HMGCS2: variants seen among roughly 807,000 people sequenced by gnomAD.
HMGCS2 encodes the protein 3-hydroxy-3-methylglutaryl-CoA synthase 2.
A neutral mutation model predicts 57.4 loss-of-function variants in HMGCS2; 50 were observed. That is an observed-to-expected ratio of 0.87 (90% CI 0.69 to 1.10). The LOEUF (loss-of-function observed/expected upper bound fraction) is 1.10. Ranked by LOEUF, HMGCS2 falls within the 50% of genes least tolerant of loss-of-function variation. The pLI, the probability that HMGCS2 is intolerant of heterozygous loss-of-function variation, is 0.00. For synonymous variants in HMGCS2, 254 were observed against 245.1 expected (o/e 1.04, Z -0.34); for missense variants, 627 against 636.5 (o/e 0.99, Z 0.16).
intron 6 of HMGCS2, 63 bp from the exon 7 acceptor site, chr1:119,753,449 A>T: frequency 1.3e-6 from 1 of 759,888 alleles, no homozygotes; most frequent in Non-Finnish European, 2.3e-6. Flanking sequence ...ACACACACAT[A>T]TATGTATATA....
At chr1:119,749,053 C>T (rs587768199) in intron 9 of HMGCS2, among the ~76,000 whole-genome samples, 3 of 152,250 alleles carry the variant, frequency 2.0e-5, no homozygotes, top group South Asian at 4.2e-4. Context: ...GCAGGGTCCC[C>T]GTCGCACATC....
At chr1:119,751,327 G>A (rs1053311610) in intron 8 of HMGCS2, among the ~76,000 whole-genome samples, 18 of 149,774 alleles carry the variant, frequency 1.2e-4, no homozygotes, top group African/African-American at 3.2e-4. Context: ...TGCTTTGTCC[G>A]TTAACGTTTG....
intron 1 of HMGCS2, 38 bp downstream of exon 1, chr1:119,768,703 T>G (rs772329271): frequency 2.1e-6 from 3 of 1,438,056 alleles, no homozygotes; most frequent in Admixed American, 3.3e-5. Flanking sequence ...AAAACTATCT[T>G]TTACTAGTTA....
intron 1 of HMGCS2, among the ~76,000 whole-genome samples, chr1:119,766,719 G>T (rs895704429): frequency 6.6e-6 from 1 of 151,970 alleles, no homozygotes; most frequent in Non-Finnish European, 1.5e-5. Context: ...CCTCATTCTC[G>T]CTCTGACTTC....
At chr1:119,766,092 T>C (rs1484984864) in intron 1 of HMGCS2, among the ~76,000 whole-genome samples, 1 of 152,232 alleles carries the variant, frequency 6.6e-6, no homozygotes, top group African/African-American at 2.4e-5. Context: ...TTCACTTCTC[T>C]TTAACCCAGA....
In HMGCS2 at chr1:119,752,614, C is replaced by T. The variant is rs770800317; in HGVS notation, c.1355G>A (p.Arg452Gln). 9 of 1,614,054 alleles carry T rather than the reference C, an allele frequency of 5.6e-6. No homozygotes were observed. The highest frequency in any genetic ancestry group is 4.5e-5 in the East Asian group (2 of 44,880). Residue 452 changes from arginine to glutamine, a missense_variant, in exon 8 of 10, where the codon CGA (arginine) becomes CAA (glutamine). Coordinates refer to ENST00000369406, the MANE Select transcript of HMGCS2 (RefSeq NM_005518.4). Reference protein sequence around the residue: ...TSDLPKRLASRKCVSPEEFTE... With the variant: ...TSDLPKRLASQKCVSPEEFTE... The stretch of plus-strand genomic sequence containing the variant: ...GAACTCCTCAGGAGACACACACTTT[C>T]GGGAGGCTAGGCGTTTTGGCAGGTC...
intron 2 of HMGCS2, among the ~76,000 whole-genome samples, chr1:119,762,364 T>A (rs1213671129): frequency 3.4e-5 from 5 of 147,534 alleles, no homozygotes; most frequent in African/African-American, 1.2e-4. Context: ...TGGTAACAGG[T>A]CAAATGAGGA....
intron 6 of HMGCS2, among the ~76,000 whole-genome samples, chr1:119,753,886 T>C (rs1376575739): frequency 6.6e-6 from 1 of 151,856 alleles, no homozygotes; most frequent in African/African-American, 2.4e-5. Flanking sequence ...CGTTTTTTTT[T>C]TCTTTTTTTG....
chr1:119,758,071 G>A (rs1268531318), intron 4 of HMGCS2, among the ~76,000 whole-genome samples: 1 of 152,246 alleles, frequency 6.6e-6, no homozygotes, highest in Non-Finnish European at 1.5e-5. Flanking sequence ...CCCACCCACT[G>A]CAGTAGAAAG....
rs587730254 is a variant in HMGCS2 at position 119,764,963 on chromosome 1, T to G, written c.105-337A>C. ...GTCTTTATCTTTAACATACATCTCT[T>G]GTGATCGGTATATATATTTTAGTCC... On this transcript the variant is annotated intron_variant, in intron 1 of 9. Transcript: ENST00000369406. 2.0e-4 allele frequency among the ~76,000 whole-genome samples: 31 copies of G among 152,356 alleles called. No homozygotes were observed. In the South Asian group the frequency reaches 3.5e-3, roughly 17 times the overall value.
At chr1:119,760,673 C>G (rs778273788) in intron 2 of HMGCS2, among the ~76,000 whole-genome samples, 29 of 152,162 alleles carry the variant, frequency 1.9e-4, no homozygotes, top group Non-Finnish European at 4.1e-4. Context: ...GTGGTCTTGA[C>G]TATTATGTGT....
Position 119,758,911 on chromosome 1 carries a change from G to A in HMGCS2, c.850+207C>T, listed in dbSNP as rs150392462. 2.3e-3 allele frequency among the ~76,000 whole-genome samples: 351 copies of A among 152,368 alleles called. 2 individuals are homozygous for A. The highest frequency in any genetic ancestry group is 8.2e-3 in the African/African-American group (339 of 41,582). On this transcript the variant is annotated intron_variant, in intron 4 of 9. Transcript: ENST00000369406. Reference sequence around the variant, plus strand: ...ATTTACTTTCTTTTATTTAGCTCAAGTTAGAAGCAATTTTACACCTGAAGT... The same window carrying A: ...ATTTACTTTCTTTTATTTAGCTCAAATTAGAAGCAATTTTACACCTGAAGT...
intron 2 of HMGCS2, among the ~76,000 whole-genome samples, chr1:119,763,021 G>A (rs992265742): frequency 2.6e-5 from 4 of 152,106 alleles, no homozygotes; most frequent in African/African-American, 9.7e-5. Context: ...TTACTAGAGA[G>A]GTAGTAATAC....
Position 119,762,858 on chromosome 1 carries a change from G to A in HMGCS2, c.559+1314C>T, listed in dbSNP as rs140529855. ...TACCCAGCCCCTCAGAAGAATCTAC[G>A]CATTTGAAATGGCATGCTTAAGGCT... is the stretch of plus-strand genomic sequence containing the variant. On this transcript the variant is annotated intron_variant, in intron 2 of 9. Coordinates refer to ENST00000369406, the MANE Select transcript of HMGCS2 (RefSeq NM_005518.4). 7.2e-5 allele frequency among the ~76,000 whole-genome samples: 11 copies of A among 152,230 alleles called. No homozygotes were observed. In the East Asian group the frequency reaches 2.1e-3, roughly 29 times the overall value.
Position 119,757,270 on chromosome 1 carries a change from C to T in HMGCS2, c.1016+3G>A, listed in dbSNP as rs745465376. On this transcript the variant is annotated splice_donor_region_variant and intron_variant, in intron 5 of 9. Transcript: ENST00000369406. ...CTCTAGGCTCCCCAAGAAGAGAACT[C>T]ACCCGAAAGCCTCCAGCCCCTTATA... 1.9e-6 allele frequency: 3 copies of T among 1,614,126 alleles called. No individual in the cohort carries two copies. Among genetic ancestry groups the T allele is most frequent in the East Asian group, 4.5e-5 (2 of 44,878 alleles).
Position 119,755,561 on chromosome 1 carries a change from G to T in HMGCS2, c.1053C>A (p.Asp351Glu), listed in dbSNP as rs772437190. 12 of 1,613,998 alleles carry T rather than the reference G, an allele frequency of 7.4e-6. No individual in the cohort carries two copies. The highest frequency in any genetic ancestry group is 9.3e-6 in the Non-Finnish European group (11 of 1,180,034). Residue 351 changes from aspartate to glutamate, a missense_variant, in exon 6 of 10, where the codon GAC becomes GAA. Coordinates refer to ENST00000369406, the MANE Select transcript of HMGCS2 (RefSeq NM_005518.4). ...AGGCCTTTAGAAGTGCTTTATCCAG[G>T]TCCTTGTTGGTGTAGGTGTCTTCCA... ...LKLEDTYTNK[D>E]LDKALLKASQ...
chr1:119,749,418 T>A (rs1378310045), intron 9 of HMGCS2, among the ~76,000 whole-genome samples: 1 of 129,246 alleles, frequency 7.7e-6, no homozygotes, highest in African/African-American at 2.8e-5. Context: ...TTTCTCCCAC[T>A]CTTCTTCTGA....
At position 119,768,839 on chromosome 1, in the gene HMGCS2, C is replaced by T. The variant is rs1353408775; in HGVS notation, c.6G>A (p.Gln2=). The stretch of plus-strand genomic sequence containing the variant: ...TGCGCTTCACTGGAGTCAACAGACG[C>T]TGCATCTCCAGAGGAGCAAGCAGAA... M[Q]RLLTPVKRIL... The change falls in exon 1 of 10, where the codon CAG becomes CAA. Residue 2 remains glutamine, a synonymous_variant. Coordinates refer to ENST00000369406, the MANE Select transcript of HMGCS2 (RefSeq NM_005518.4). 9.9e-6 allele frequency: 16 copies of T among 1,612,738 alleles called. No homozygotes were observed. Among genetic ancestry groups the T allele is most frequent in the Non-Finnish European group, 1.3e-5 (15 of 1,178,828 alleles).
chr1:119,755,532 T>C lies in HMGCS2; in HGVS notation c.1082A>G (p.Gln361Arg), dbSNP rs1286357569. The change falls in exon 6 of 10, where the codon CAG (glutamine) becomes CGG (arginine). Residue 361 changes from glutamine (Q) to arginine (R), a missense_variant. By Grantham distance (43) the Gln-to-Arg change is conservative. Coordinates refer to ENST00000369406, the MANE Select transcript of HMGCS2 (RefSeq NM_005518.4). ...DLDKALLKAS[Q>R]DMFDKKTKAS... is the part of the protein sequence containing the mutation. ...CTTGGTTTTCTTGTCGAACATGTCC[T>C]GAGAGGCCTTTAGAAGTGCTTTATC... is the stretch of plus-strand genomic sequence containing the variant. The C allele has an allele frequency of 6.2e-6, 10 of 1,613,856 alleles. 1 individual carries two copies. Among genetic ancestry groups the C allele is most frequent in the East Asian group, 4.5e-5 (2 of 44,870 alleles).
Sources: allele counts gnomAD v4.1 joint callset (sites outside exome capture counted in the v4.1 genomes callset), GRCh38; gene constraint gnomAD v4.1.1; transcripts MANE v1.5; gene names NCBI Gene and HGNC (gene_info 2026-07-23, HGNC 2026-07-21).